The following CDH18 variants were observed in gnomAD, a reference collection of about 807,000 sequenced individuals.
The protein encoded by CDH18 is cadherin-18.
CDH18 carries 31 observed loss-of-function variants against 67.9 expected under a neutral mutation model. The ratio of observed to expected loss-of-function variants is 0.46; its 90% CI spans 0.34 to 0.62. The LOEUF (loss-of-function observed/expected upper bound fraction) is 0.62. Ranked by LOEUF, CDH18 falls within the 20% of genes least tolerant of loss-of-function variation. CDH18 has a pLI of 0.01. For synonymous variants in CDH18, 362 were observed against 347.2 expected (o/e 1.04, Z -0.48); for missense variants, 890 against 975.5 (o/e 0.91, Z 1.17).
chr5:20,535,981 C>G (rs1756692877), intron 1 of CDH18, among the ~76,000 whole-genome samples: 1 of 152,174 alleles, frequency 6.6e-6, no homozygotes. Flanking sequence ...CACCTCATCT[C>G]TTTCCATTTC....
chr5:20,574,669 T>C (rs547942410), intron 1 of CDH18, among the ~76,000 whole-genome samples: 28 of 152,154 alleles, frequency 1.8e-4, no homozygotes, highest in Non-Finnish European at 2.8e-4. Context: ...ACCCATCAAT[T>C]TCAGATATCA....
chr5:19,666,375 T>G (rs1219830707), intron 5 of CDH18, among the ~76,000 whole-genome samples: 1 of 151,486 alleles, frequency 6.6e-6, no homozygotes, highest in Non-Finnish European at 1.5e-5. Flanking sequence ...TCCATAGTTT[T>G]GGGATTACAG....
At chr5:20,432,651 C>T (rs1036879565) in intron 1 of CDH18, among the ~76,000 whole-genome samples, 12 of 152,006 alleles carry the variant, frequency 7.9e-5, no homozygotes, top group Non-Finnish European at 4.4e-5. Flanking sequence ...TGTATCGTCA[C>T]ATGGTCTTTC....
chr5:19,923,375 C>A (rs1244005500), intron 2 of CDH18, among the ~76,000 whole-genome samples: 1 of 152,280 alleles, frequency 6.6e-6, no homozygotes, highest in South Asian at 2.1e-4. Context: ...TCCACAGAAA[C>A]TTTTAAGCAT....
chr5:20,166,112 A>G (rs1335651712), intron 2 of CDH18, among the ~76,000 whole-genome samples: 1 of 152,086 alleles, frequency 6.6e-6, no homozygotes, highest in African/African-American at 2.4e-5. Context: ...GTGTTTTATT[A>G]TACTCCTTTA....
chr5:19,858,292 A>G (rs1019793011), intron 2 of CDH18, among the ~76,000 whole-genome samples: 3 of 152,176 alleles, frequency 2.0e-5, no homozygotes, highest in Non-Finnish European at 4.4e-5. Flanking sequence ...GGGTTAAGAT[A>G]ATGAGTTGGG....
intron 2 of CDH18, among the ~76,000 whole-genome samples, chr5:20,237,914 C>A (rs1742599252): frequency 6.6e-6 from 1 of 151,832 alleles, no homozygotes; most frequent in Non-Finnish European, 1.5e-5. Context: ...TTATTATTAA[C>A]CTACATTAAA....
chr5:20,096,915 T>C (rs539365590), intron 2 of CDH18, among the ~76,000 whole-genome samples: 1 of 152,268 alleles, frequency 6.6e-6, no homozygotes, highest in Non-Finnish European at 1.5e-5. Context: ...AAGAGTCACT[T>C]TACATGTAGG....
intron 1 of CDH18, among the ~76,000 whole-genome samples, chr5:20,562,653 G>A (rs1758284207): frequency 6.6e-6 from 1 of 151,392 alleles, no homozygotes; most frequent in Non-Finnish European, 1.5e-5. Context: ...CTTAAAGGTA[G>A]TATTTGACCA....
intron 2 of CDH18, among the ~76,000 whole-genome samples, chr5:19,946,095 C>G (rs1795260057): frequency 6.6e-6 from 1 of 151,784 alleles, no homozygotes; most frequent in African/African-American, 2.4e-5. Context: ...GTGGAAAGAA[C>G]TCATAAAAGC....
rs138157319 is a variant in CDH18, at chr5:19,855,019, C to T, written c.-256-15777G>A. On this transcript the variant is annotated intron_variant, in intron 2 of 12. Coordinates refer to ENST00000382275, the MANE Select transcript of CDH18 (RefSeq NM_004934.5). ...GTCTATGCCTGGCTATTACAACTAA[C>T]ATAATGTCCTCCAGGTCCTCCAGTC... is the stretch of plus-strand genomic sequence containing the variant. 4.0e-4 allele frequency among the ~76,000 whole-genome samples: 60 copies of T among 151,260 alleles called. 2 individuals are homozygous for T. The highest frequency in any genetic ancestry group is 1.3e-3 in the African/African-American group (55 of 41,294).
rs139520821 is a variant in CDH18 at position 20,571,818 on chromosome 5, T to C, written c.-580+3644A>G. ...TTTCTCTCACTTCTCAAAAGAAATG[T>C]CACTCACATTGTGTATGTCACTTCT... On this transcript the variant is annotated intron_variant, in intron 1 of 14. Transcript: ENST00000507958. Among the ~76,000 whole-genome samples, 8 of 152,214 alleles carry C rather than the reference T, an allele frequency of 5.3e-5. No homozygotes were observed. In the East Asian group the frequency reaches 1.4e-3, roughly 26 times the overall value.
intron 1 of CDH18, among the ~76,000 whole-genome samples, chr5:20,401,198 C>T (rs1254796021): frequency 6.6e-6 from 1 of 152,074 alleles, no homozygotes; most frequent in African/African-American, 2.4e-5. Context: ...GATTTGTAAG[C>T]TAAATATTTT....
chr5:20,162,501 CATATAT>C lies in CDH18; in HGVS notation c.-518+92937_-518+92942del, dbSNP rs35649445. Among the ~76,000 whole-genome samples, 102 of 143,674 alleles carry C rather than the reference CATATAT, an allele frequency of 7.1e-4. No individual in the cohort carries two copies. In the South Asian group the frequency reaches 0.017, roughly 24 times the overall value. The allele number at this position is 143,674 out of a possible 152,430, so 94.3% of individuals were successfully genotyped here. ...TGGTAATAGACATATATATAATAGA[CATATAT>C]ATATATATATATAGTGACTCACATG... is the stretch of plus-strand genomic sequence containing the variant. On this transcript the variant is annotated intron_variant, in intron 2 of 14. Coordinates refer to the CDH18 transcript ENST00000507958.
intron 2 of CDH18, among the ~76,000 whole-genome samples, chr5:19,966,240 A>T (rs767804399): frequency 6.6e-6 from 1 of 152,208 alleles, no homozygotes; most frequent in East Asian, 1.9e-4. Context: ...TGTTCAGATT[A>T]TTTAATTCAA....
At chr5:20,477,699 T>C (rs566398904) in intron 1 of CDH18, among the ~76,000 whole-genome samples, 183 of 152,156 alleles carry the variant, frequency 1.2e-3, no homozygotes, top group African/African-American at 4.3e-3. Context: ...TGACAGTCAG[T>C]ATAGGACAGA....
chr5:19,666,297 G>T (rs566281684), intron 5 of CDH18, among the ~76,000 whole-genome samples: 1 of 146,222 alleles, frequency 6.8e-6, no homozygotes, highest in South Asian at 2.2e-4. Context: ...CTCTAGAGAC[G>T]GGGTCTCATC....
chr5:20,455,026 T>A (rs542037279), intron 1 of CDH18, among the ~76,000 whole-genome samples: 1 of 151,716 alleles, frequency 6.6e-6, no homozygotes, highest in South Asian at 2.1e-4. Flanking sequence ...CATTGTGTGT[T>A]ACCTCTCCTA....
intron 2 of CDH18, among the ~76,000 whole-genome samples, chr5:19,998,644 A>T (rs1378088194): frequency 6.6e-6 from 1 of 152,150 alleles, no homozygotes; most frequent in African/African-American, 2.4e-5. Flanking sequence ...GATGGCAGAA[A>T]GAAGGACAGA....
Sources: allele counts gnomAD v4.1 joint callset (sites outside exome capture counted in the v4.1 genomes callset), GRCh38; gene constraint gnomAD v4.1.1; transcripts MANE v1.5; gene names NCBI Gene and HGNC (gene_info 2026-07-23, HGNC 2026-07-21).